Variants in CNTNAP2 observed in about 807,000 individuals in gnomAD.
CNTNAP2 encodes contactin-associated protein-like 2.
In CNTNAP2, 98 loss-of-function variants were observed where a neutral mutation model predicts 155.2. The ratio of observed to expected loss-of-function variants is 0.63; its 90% confidence interval spans 0.54 to 0.75. The LOEUF is 0.75. CNTNAP2 is among the 30% of genes least tolerant of loss of function. The probability of loss-of-function intolerance (pLI) is 0.00; values close to 1 mark genes in which losing one functional copy is unlikely to be tolerated. For synonymous variants in CNTNAP2, 651 were observed against 631.2 expected (o/e 1.03, Z -0.47); for missense variants, 1,727 against 1,688.1 (o/e 1.02, Z -0.40).
At chr7:147,328,398 G>C (rs1052100576) in intron 9 of CNTNAP2, among the ~76,000 whole-genome samples, 8 of 152,158 alleles carry the variant, frequency 5.3e-5, no homozygotes, top group African/African-American at 1.9e-4. Context: ...ACATTTGTTT[G>C]AGTGTCCAGG....
rs140220489 is a variant in CNTNAP2, at chr7:146,657,686, G to T, written c.98-116585G>T. ...TAACTGTTTTTTCTTTGGGATTTTG[G>T]ACTGTATTTCTTAGATCTAAGGTAC... On this transcript the variant is annotated intron_variant, in intron 1 of 23. Coordinates refer to ENST00000361727, the MANE Select transcript of CNTNAP2 (RefSeq NM_014141.6). Among the ~76,000 whole-genome samples the T allele has an allele frequency of 6.5e-3, 988 of 151,814 alleles. 8 individuals carry two copies. The highest frequency in any genetic ancestry group is 0.022 in the African/African-American group (920 of 41,394).
At chr7:146,992,339 T>G (rs147713819) in intron 3 of CNTNAP2, among the ~76,000 whole-genome samples, 10 of 152,334 alleles carry the variant, frequency 6.6e-5, no homozygotes, top group African/African-American at 2.4e-4. Context: ...ATTATAAAAT[T>G]TAATACATAT....
intron 1 of CNTNAP2, among the ~76,000 whole-genome samples, chr7:146,340,167 T>TAA (rs1801354117): frequency 2.4e-5 from 1 of 42,376 alleles, no homozygotes; most frequent in Non-Finnish European, 3.6e-5. Flanking sequence ...AGACTCCGCC[T>TAA]CAAAAAAAAA....
chr7:146,250,250 G>A (rs778258623), intron 1 of CNTNAP2, among the ~76,000 whole-genome samples: 84 of 152,144 alleles, frequency 5.5e-4, no homozygotes, highest in Non-Finnish European at 1.0e-3. Context: ...AATATGTAGA[G>A]CATCTAATAC....
intron 15 of CNTNAP2, among the ~76,000 whole-genome samples, chr7:148,106,495 T>G (rs58857175): frequency 9.4e-4 from 15 of 15,896 alleles, no homozygotes; most frequent in East Asian, 0.016. Context: ...CACTTTGAGA[T>G]ATATATATAT....
intron 7 of CNTNAP2, among the ~76,000 whole-genome samples, chr7:147,130,232 A>G (rs1017382028): frequency 1.3e-5 from 2 of 152,180 alleles, no homozygotes; most frequent in South Asian, 2.1e-4. Context: ...TGGGCAACAT[A>G]GTGAGACCAT....
intron 12 of CNTNAP2, among the ~76,000 whole-genome samples, chr7:147,630,369 T>C (rs1795065105): frequency 1.4e-5 from 2 of 141,336 alleles, no homozygotes; most frequent in Non-Finnish European, 3.0e-5. Context: ...ACCAGACGGA[T>C]TCGCAGCTGA....
At chr7:146,572,041 G>T (rs1029332095) in intron 1 of CNTNAP2, among the ~76,000 whole-genome samples, 6 of 152,120 alleles carry the variant, frequency 3.9e-5, no homozygotes, top group African/African-American at 1.4e-4. Context: ...AATAAAACGT[G>T]AGTTCTGTGG....
intron 12 of CNTNAP2, among the ~76,000 whole-genome samples, chr7:147,610,376 G>C (rs1192202528): frequency 1.3e-5 from 2 of 152,024 alleles, no homozygotes; most frequent in African/African-American, 4.8e-5. Flanking sequence ...GATTACTGGG[G>C]CAAAGATTTC....
At position 148,172,503 on chromosome 7, in the gene CNTNAP2, C is replaced by A. The variant is rs764809555; in HGVS notation, c.3010+25C>A. Reference sequence around the variant, plus strand: ...GGTAAGGTGGAACCCATTTCCAGAGCCACTTTTGCGTGTCTTTTTAAGCCC... The same window carrying A: ...GGTAAGGTGGAACCCATTTCCAGAGACACTTTTGCGTGTCTTTTTAAGCCC... On this transcript the variant is annotated intron_variant, in intron 18 of 23. Transcript: ENST00000361727. The A allele has an allele frequency of 1.9e-6, 3 of 1,595,486 alleles. No homozygotes were observed. The South Asian group carries it at 3.3e-5, about 18-fold the overall frequency.
chr7:147,706,758 C>A (rs779278839), intron 13 of CNTNAP2, among the ~76,000 whole-genome samples: 5 of 152,134 alleles, frequency 3.3e-5, no homozygotes, highest in Non-Finnish European at 7.4e-5. Context: ...TCTACAGCAC[C>A]CAGAATTCAA....
intron 2 of CNTNAP2, among the ~76,000 whole-genome samples, chr7:146,803,879 C>A (rs1219837199): frequency 6.6e-6 from 1 of 152,118 alleles, no homozygotes; most frequent in African/African-American, 2.4e-5. Context: ...ATTTCTTCAT[C>A]CCGTTTTCCT....
At chr7:147,534,782 C>G (rs1584797075) in intron 11 of CNTNAP2, among the ~76,000 whole-genome samples, 1 of 152,260 alleles carries the variant, frequency 6.6e-6, no homozygotes, top group Admixed American at 6.5e-5. Flanking sequence ...GTGATAAGAG[C>G]TTAGCATTTC....
chr7:146,159,663 A>G (rs1798185232), intron 1 of CNTNAP2, among the ~76,000 whole-genome samples: 1 of 152,234 alleles, frequency 6.6e-6, no homozygotes. Context: ...ATAATGGTAA[A>G]GGGATCAATT....
intron 1 of CNTNAP2, among the ~76,000 whole-genome samples, chr7:146,653,225 G>A (rs1410000698): frequency 2.0e-5 from 3 of 152,064 alleles, no homozygotes; most frequent in African/African-American, 4.8e-5. Context: ...CTTCAGTGTT[G>A]CCAGCTCCTG....
Position 146,425,951 on chromosome 7 carries a change from C to T in CNTNAP2, c.97+308978C>T, listed in dbSNP as rs142041561. Among the ~76,000 whole-genome samples, 1,455 of 151,864 alleles carry T rather than the reference C, an allele frequency of 9.6e-3. 16 individuals carry two copies. Among genetic ancestry groups the T allele is most frequent in the Non-Finnish European group, 0.015 (1,033 of 67,922 alleles). ...CTATAATCCCAGCACTTTGGGAGGC[C>T]GAGGTGTGTGGATCACCTGAGGTCA... On this transcript the variant is annotated intron_variant, in intron 1 of 23. Transcript: ENST00000361727.
At chr7:147,227,364 T>C (rs1563124678) in intron 8 of CNTNAP2, among the ~76,000 whole-genome samples, 1 of 152,086 alleles carries the variant, frequency 6.6e-6, no homozygotes, top group Non-Finnish European at 1.5e-5. Flanking sequence ...CTGAGTAGGA[T>C]GGGAAACATT....
intron 10 of CNTNAP2, among the ~76,000 whole-genome samples, chr7:147,452,958 A>AG (rs1797858612): frequency 6.8e-6 from 1 of 147,522 alleles, no homozygotes; most frequent in Non-Finnish European, 1.5e-5. Flanking sequence ...AAAGGGAGGG[A>AG]GGGGGAAGGA....
rs1285036405 is a variant in CNTNAP2 at position 147,434,347 on chromosome 7, A to T, written c.1670+38567A>T. ...AAAACCCTATTTTCCTCACGTTTGT[A>T]GTGTATTTCTAAAGGCCTCTCCAGG... is the stretch of plus-strand genomic sequence containing the variant. On this transcript the variant is annotated intron_variant, in intron 10 of 23. Transcript: ENST00000361727. Among the ~76,000 whole-genome samples the T allele has an allele frequency of 4.6e-5, 7 of 152,316 alleles. 1 individual carries two copies. The highest frequency in any genetic ancestry group is 4.6e-4 in the Admixed American group (7 of 15,292).
Sources: allele counts gnomAD v4.1 joint callset (sites outside exome capture counted in the v4.1 genomes callset), GRCh38; gene constraint gnomAD v4.1.1; transcripts MANE v1.5; gene names NCBI Gene and HGNC (gene_info 2026-07-23, HGNC 2026-07-21).